CAAP1: variants seen among roughly 807,000 people sequenced by gnomAD.
CAAP1 encodes the protein conserved anti-apoptotic protein.
A neutral mutation model predicts 34.0 loss-of-function variants in CAAP1; 20 were observed. That is an observed-to-expected ratio of 0.59 (90% CI 0.41 to 0.86). The LOEUF (loss-of-function observed/expected upper bound fraction) is 0.86. CAAP1 is among the 40% of genes least tolerant of loss of function. The pLI is 0.00. For synonymous variants in CAAP1, 213 were observed against 166.7 expected (o/e 1.28, Z -2.14); for missense variants, 538 against 450.5 (o/e 1.19, Z -1.76).
chr9:26,848,583 C>T (rs537954257), intron 5 of CAAP1, among the ~76,000 whole-genome samples: 9 of 152,284 alleles, frequency 5.9e-5, no homozygotes, highest in African/African-American at 2.2e-4. Context: ...AAACTTTCAA[C>T]AGAAAGCAAA....
At chr9:26,883,505 T>C (rs1208107220) in intron 4 of CAAP1, among the ~76,000 whole-genome samples, 1 of 152,186 alleles carries the variant, frequency 6.6e-6, no homozygotes, top group Non-Finnish European at 1.5e-5. Context: ...AACAGACTAA[T>C]ACATCATTAA....
At chr9:26,882,749 T>C (rs943895971) in intron 4 of CAAP1, among the ~76,000 whole-genome samples, 1 of 152,058 alleles carries the variant, frequency 6.6e-6, no homozygotes, top group Admixed American at 6.5e-5. Flanking sequence ...AACACCAGCA[T>C]GTGAAAGCAG....
At chr9:26,875,956 C>T (rs1355021742) in intron 4 of CAAP1, among the ~76,000 whole-genome samples, 2 of 152,166 alleles carry the variant, frequency 1.3e-5, no homozygotes, top group African/African-American at 2.4e-5. Flanking sequence ...TAATCAAGCA[C>T]ATTTTATTAG....
At chr9:26,850,694 T>C (rs2131299301) in intron 5 of CAAP1, among the ~76,000 whole-genome samples, 1 of 152,330 alleles carries the variant, frequency 6.6e-6, no homozygotes, top group Non-Finnish European at 1.5e-5. Context: ...TATAAAAAGC[T>C]TTGGCATCTA....
chr9:26,858,963 C>T (rs1383618585), intron 5 of CAAP1, among the ~76,000 whole-genome samples: 1 of 146,472 alleles, frequency 6.8e-6, no homozygotes, highest in Non-Finnish European at 1.5e-5. Context: ...GCGCCATGCA[C>T]TCCAGCCTGG....
At chr9:26,886,687 C>T (rs1823746200) in intron 2 of CAAP1, among the ~76,000 whole-genome samples, 1 of 152,150 alleles carries the variant, frequency 6.6e-6, no homozygotes, top group South Asian at 2.1e-4. Flanking sequence ...TGTTACACAG[C>T]AGCATATTGT....
chr9:26,890,674 G>A (rs539708927), intron 1 of CAAP1, among the ~76,000 whole-genome samples: 2 of 151,718 alleles, frequency 1.3e-5, no homozygotes, highest in Non-Finnish European at 2.9e-5. Context: ...GGCCGGGCAC[G>A]GTGGCTCACG....
intron 4 of CAAP1, among the ~76,000 whole-genome samples, chr9:26,882,081 T>C (rs1354435840): frequency 6.6e-6 from 1 of 152,148 alleles, no homozygotes; most frequent in Non-Finnish European, 1.5e-5. Flanking sequence ...AAGAGGTATG[T>C]GGGTATTATT....
intron 5 of CAAP1, among the ~76,000 whole-genome samples, chr9:26,857,960 A>G (rs62544404): frequency 0.052 from 7,920 of 152,330 alleles, 282 homozygotes; most frequent in South Asian, 0.15. Flanking sequence ...AATGCTCTAA[A>G]TACTGATAAT....
In CAAP1 at chr9:26,887,359, A is replaced by G. The variant is rs767649987; in HGVS notation, c.458T>C (p.Ile153Thr). Residue 153 changes from isoleucine to threonine, a missense_variant, in exon 2 of 6, where the codon ATT becomes ACT. This residue lies in a region of CAAP1 where 514 missense variants were observed against 408.4 expected (regional missense o/e 1.26). Transcript: ENST00000333916. ...KKEMLQQCFC[I>T]IGEKKLQKML... ...CTTCTGTAACTTTTTCTCTCCTATA[A>G]TACAGAAGCACTGCTGAAGCATTTC... The G allele has an allele frequency of 6.2e-7, 1 of 1,609,914 alleles. No homozygotes were observed. The highest frequency in any genetic ancestry group is 8.5e-7 in the Non-Finnish European group (1 of 1,177,754).
intron 4 of CAAP1, among the ~76,000 whole-genome samples, chr9:26,875,169 G>A (rs1001765081): frequency 5.3e-5 from 8 of 152,110 alleles, no homozygotes; most frequent in Non-Finnish European, 1.2e-4. Context: ...TGGATCACTC[G>A]AGGTCAGGGG....
intron 4 of CAAP1, among the ~76,000 whole-genome samples, chr9:26,865,062 G>T (rs979240479): frequency 3.9e-5 from 6 of 152,066 alleles, no homozygotes; most frequent in Admixed American, 3.3e-4. Context: ...GTGTCTAAGA[G>T]AATTGAATTT....
At chr9:26,864,627 T>G (rs1191645781) in intron 4 of CAAP1, among the ~76,000 whole-genome samples, 2 of 152,250 alleles carry the variant, frequency 1.3e-5, no homozygotes, top group Non-Finnish European at 2.9e-5. Context: ...CAAGATTTTG[T>G]GAATAGGCAT....
intron 2 of CAAP1, among the ~76,000 whole-genome samples, chr9:26,886,689 G>C (rs1823746259): frequency 6.6e-6 from 1 of 152,116 alleles, no homozygotes; most frequent in Admixed American, 6.5e-5. Context: ...TTACACAGCA[G>C]CATATTGTGA....
At chr9:26,861,842 C>T (rs906676125) in intron 4 of CAAP1, among the ~76,000 whole-genome samples, 1 of 152,144 alleles carries the variant, frequency 6.6e-6, no homozygotes, top group Non-Finnish European at 1.5e-5. Context: ...CTAAAGCTAA[C>T]ATACTAGAAA....
At chr9:26,856,536 A>C (rs1322114185) in intron 5 of CAAP1, among the ~76,000 whole-genome samples, 1 of 152,240 alleles carries the variant, frequency 6.6e-6, no homozygotes, top group African/African-American at 2.4e-5. Context: ...ACAGCTAGAA[A>C]GGAACTAGAA....
chr9:26,847,198 A>ATTT (rs1171628621), intron 5 of CAAP1, among the ~76,000 whole-genome samples: 1,425 of 34,714 alleles, frequency 0.041, 440 homozygotes, highest in Admixed American at 0.058. Context: ...AAAAAGCAAT[A>ATTT]TTTTTTTTTT....
intron 5 of CAAP1, among the ~76,000 whole-genome samples, chr9:26,856,455 A>T (rs530784687): frequency 1.2e-4 from 18 of 152,358 alleles, no homozygotes; most frequent in Non-Finnish European, 2.5e-4. Context: ...CCATTAAACA[A>T]TTTAGGAAAA....
intron 5 of CAAP1, among the ~76,000 whole-genome samples, chr9:26,851,884 C>T (rs937447981): frequency 2.0e-5 from 3 of 152,120 alleles, no homozygotes; most frequent in African/African-American, 7.2e-5. Context: ...CATCTCAGTG[C>T]TCCATAATCT....
Sources: allele counts gnomAD v4.1 joint callset (sites outside exome capture counted in the v4.1 genomes callset), GRCh38; gene constraint gnomAD v4.1.1; regional missense constraint gnomAD v4.1.1; transcripts MANE v1.5; gene names NCBI Gene and HGNC (gene_info 2026-07-23, HGNC 2026-07-21).